The following GPC6 variants were observed in gnomAD, a reference collection of about 807,000 sequenced individuals.
The protein encoded by GPC6 is glypican 6.
In GPC6, 14 loss-of-function variants were observed where a neutral mutation model predicts 55.2. The ratio of observed to expected loss-of-function variants is 0.25; its 90% confidence interval spans 0.17 to 0.40. The LOEUF (loss-of-function observed/expected upper bound fraction) is 0.40. Ranked by LOEUF, GPC6 falls within the 10% of genes least tolerant of loss-of-function variation. GPC6 has a pLI of 1.00. For missense variants in GPC6, 641 were observed against 708.5 expected (o/e 0.90, Z 1.08); for synonymous variants, 278 against 259.6 (o/e 1.07, Z -0.68).
At chr13:93,217,392 T>G in the GPC6 span, among the ~76,000 whole-genome samples, 1 of 152,262 alleles carries the variant, frequency 6.6e-6, no homozygotes, top group Non-Finnish European at 1.5e-5. Flanking sequence ...TTGGTTGTAA[T>G]TTGCACAGTC....
At chr13:94,110,816 A>G (rs1261261239) in intron 4 of GPC6, among the ~76,000 whole-genome samples, 1 of 152,168 alleles carries the variant, frequency 6.6e-6, no homozygotes, top group Non-Finnish European at 1.5e-5. Context: ...GTGTTAAGCT[A>G]TATATTATTC....
intron 4 of GPC6, among the ~76,000 whole-genome samples, chr13:94,282,724 T>C (rs1014474033): frequency 9.2e-5 from 14 of 152,214 alleles, no homozygotes; most frequent in African/African-American, 3.1e-4. Context: ...CAACTGGGAC[T>C]GTCATCTGGA....
chr13:93,287,408 G>A (rs1005867526), intron 1 of GPC6, among the ~76,000 whole-genome samples: 11 of 152,152 alleles, frequency 7.2e-5, no homozygotes, highest in Non-Finnish European at 1.5e-4. Flanking sequence ...GCCGATTCTC[G>A]CAGGAGGCCT....
At chr13:93,906,128 C>T (rs1160782180) in intron 3 of GPC6, among the ~76,000 whole-genome samples, 1 of 152,054 alleles carries the variant, frequency 6.6e-6, no homozygotes, top group Non-Finnish European at 1.5e-5. Context: ...CAGTCTGGCT[C>T]CTGGACCCAC....
In GPC6 at chr13:93,685,882, T is replaced by C. The variant is rs554993611; in HGVS notation, c.319+140461T>C. On this transcript the variant is annotated intron_variant, in intron 2 of 8. Coordinates refer to ENST00000377047, the MANE Select transcript of GPC6 (RefSeq NM_005708.5). ...AAGAGTATTTTTATTTTTATCCTCATTTTTCAGATTATGAATTTTGGAAGA... is the reference window on the plus strand; with the variant it reads ...AAGAGTATTTTTATTTTTATCCTCACTTTTCAGATTATGAATTTTGGAAGA... 7.9e-5 allele frequency among the ~76,000 whole-genome samples: 12 copies of C among 152,298 alleles called. No individual in the cohort carries two copies. In the South Asian group the frequency reaches 2.5e-3, roughly 32 times the overall value.
At chr13:93,544,817 A>T (rs1874689510) in intron 1 of GPC6, among the ~76,000 whole-genome samples, 2 of 152,176 alleles carry the variant, frequency 1.3e-5, no homozygotes, top group African/African-American at 4.8e-5. Context: ...ATACCCAGGG[A>T]CAGACTTGCA....
intron 4 of GPC6, among the ~76,000 whole-genome samples, chr13:94,178,205 G>A (rs373359746): frequency 2.0e-5 from 3 of 151,856 alleles, no homozygotes; most frequent in African/African-American, 4.8e-5. Flanking sequence ...CACTATGTTG[G>A]CCAGGTTGCT....
At chr13:93,950,268 T>C (rs375314733) in intron 3 of GPC6, among the ~76,000 whole-genome samples, 30 of 152,258 alleles carry the variant, frequency 2.0e-4, no homozygotes, top group African/African-American at 6.5e-4. Context: ...CAGGAAATAA[T>C]GAAAACGTTA....
intron 5 of GPC6, among the ~76,000 whole-genome samples, chr13:94,303,765 CAAAAA>C (rs11300129): frequency 1.0e-5 from 1 of 98,286 alleles, no homozygotes; most frequent in Non-Finnish European, 2.4e-5. Flanking sequence ...TAACTCCCTC[CAAAAA>C]AAAAAAAAAA....
chr13:94,114,775 A>G (rs1376090636), intron 4 of GPC6, among the ~76,000 whole-genome samples: 1 of 152,176 alleles, frequency 6.6e-6, no homozygotes, highest in Non-Finnish European at 1.5e-5. Context: ...AAATATTAAA[A>G]ATGATAGTTA....
intron 2 of GPC6, among the ~76,000 whole-genome samples, chr13:93,625,123 G>C (rs1221285042): frequency 6.6e-6 from 1 of 151,990 alleles, no homozygotes; most frequent in East Asian, 1.9e-4. Flanking sequence ...ATAAAATAGT[G>C]TCTACCAGTG....
intron 2 of GPC6, among the ~76,000 whole-genome samples, chr13:93,570,758 A>G (rs569859238): frequency 1.3e-5 from 2 of 152,266 alleles, no homozygotes; most frequent in African/African-American, 2.4e-5. Flanking sequence ...CAAAGAAGCT[A>G]CATTTGTTTT....
chr13:94,381,269 A>C (rs892194853), intron 6 of GPC6, among the ~76,000 whole-genome samples: 3 of 152,224 alleles, frequency 2.0e-5, no homozygotes, highest in African/African-American at 7.2e-5. Context: ...ACAAAGTACC[A>C]CAAACTGAGT....
intron 3 of GPC6, among the ~76,000 whole-genome samples, chr13:93,971,077 T>G (rs1007406302): frequency 6.6e-6 from 1 of 152,244 alleles, no homozygotes; most frequent in African/African-American, 2.4e-5. Flanking sequence ...TAATAAATTA[T>G]TCTACACTGA....
In GPC6 at chr13:93,388,583, G is replaced by A. The variant is rs1299267777; in HGVS notation, c.161-156680G>A. ...GCTGAATAGAGTAGCTTTCTCTCAA[G>A]CTGAGGTATATGCCAGATTAAAAGG... On this transcript the variant is annotated intron_variant, in intron 1 of 8. Transcript: ENST00000377047. Among the ~76,000 whole-genome samples the A allele has an allele frequency of 3.3e-5, 5 of 152,256 alleles. No individual in the cohort carries two copies. The East Asian group carries it at 5.8e-4, about 18-fold the overall frequency.
chr13:94,160,225 A>G (rs1034849448), intron 4 of GPC6, among the ~76,000 whole-genome samples: 12 of 152,226 alleles, frequency 7.9e-5, no homozygotes, highest in Non-Finnish European at 2.9e-5. Flanking sequence ...CCTAATTTAT[A>G]CATTAAACCT....
At chr13:94,047,057 A>T (rs1220086631) in intron 4 of GPC6, among the ~76,000 whole-genome samples, 1 of 152,142 alleles carries the variant, frequency 6.6e-6, no homozygotes, top group Non-Finnish European at 1.5e-5. Flanking sequence ...GAATAGAACG[A>T]ATCATTGCAA....
intron 1 of GPC6, among the ~76,000 whole-genome samples, chr13:93,349,159 A>T (rs943670986): frequency 2.6e-5 from 4 of 152,200 alleles, no homozygotes; most frequent in African/African-American, 9.6e-5. Flanking sequence ...ATGTGCACTG[A>T]TAACTGCTCT....
intron 2 of GPC6, among the ~76,000 whole-genome samples, chr13:93,657,544 A>C (rs1455426444): frequency 6.6e-6 from 1 of 152,152 alleles, no homozygotes; most frequent in African/African-American, 2.4e-5. Context: ...GATCCTGGCA[A>C]AGATTTCATG....
Sources: gnomAD v4.1 joint callset for allele counts (sites outside exome capture counted in the v4.1 genomes callset) on GRCh38, gnomAD v4.1.1 for gene constraint, MANE v1.5 for transcripts, NCBI Gene and HGNC (gene_info 2026-07-23, HGNC 2026-07-21) for gene names.